Variants in ZSWIM6 observed in about 807,000 individuals in gnomAD.
ZSWIM6 encodes the protein zinc finger SWIM-type containing 6, also known as zinc finger SWIM domain-containing protein 6.
ZSWIM6 carries 9 observed loss-of-function variants against 113.2 expected under a neutral mutation model. The observed-to-expected ratio is 0.08, with a 90% CI of 0.05 to 0.14. ZSWIM6 has a LOEUF of 0.14. ZSWIM6 is among the 10% of genes least tolerant of loss of function. ZSWIM6 has a pLI of 1.00. For missense variants in ZSWIM6, 1,162 were observed against 1,552.2 expected (o/e 0.75, Z 4.22); for synonymous variants, 611 against 606.5 (o/e 1.01, Z -0.11).
At chr5:61,400,260 A>G (rs1170774883) in intron 1 of ZSWIM6, among the ~76,000 whole-genome samples, 1 of 152,198 alleles carries the variant, frequency 6.6e-6, no homozygotes, top group Admixed American at 6.5e-5. Context: ...ATATTGAACA[A>G]GAATTATGTC....
Position 61,531,737 on chromosome 5 carries a change from C to T in ZSWIM6, c.2245+12C>T, listed in dbSNP as rs1211748713. ...CTTCCTATTAGAAGGTAGCCTGATA[C>T]AGAAGTTTTCCACTTATTTAGCCAA... On this transcript the variant is annotated intron_variant, in intron 9 of 13. Transcript: ENST00000252744. 4.5e-6 allele frequency: 7 copies of T among 1,549,890 alleles called. No individual in the cohort carries two copies. In the African/African-American group the frequency reaches 6.8e-5, roughly 15 times the overall value.
chr5:61,436,381 G>C (rs976487732), intron 1 of ZSWIM6, among the ~76,000 whole-genome samples: 3 of 151,922 alleles, frequency 2.0e-5, no homozygotes, highest in Non-Finnish European at 2.9e-5. Flanking sequence ...TTTTCCTCCT[G>C]GATGTGTTTT....
intron 1 of ZSWIM6, among the ~76,000 whole-genome samples, chr5:61,459,941 G>A (rs944720484): frequency 3.3e-5 from 5 of 152,214 alleles, no homozygotes; most frequent in Middle Eastern, 3.2e-3. Context: ...AGTCAAGAGT[G>A]TGTGGTATTC....
At chr5:61,352,242 C>T (rs986489906) in intron 1 of ZSWIM6, among the ~76,000 whole-genome samples, 2 of 152,194 alleles carry the variant, frequency 1.3e-5, no homozygotes, top group Non-Finnish European at 2.9e-5. Flanking sequence ...CAAATTACCT[C>T]CTTTGAATCC....
At position 61,386,843 on chromosome 5, in the gene ZSWIM6, T is replaced by C. The variant is rs149468346; in HGVS notation, c.676+53895T>C. 3.6e-3 allele frequency among the ~76,000 whole-genome samples: 554 copies of C among 152,364 alleles called. 9 individuals carry two copies. The highest frequency in any genetic ancestry group is 0.013 in the African/African-American group (527 of 41,580). ...GGTTTTAAAGATGTTTTTCATACTT[T>C]TGAACAGTTTACTGTCTCAGAGAAC... On this transcript the variant is annotated intron_variant, in intron 1 of 13. Transcript: ENST00000252744.
chr5:61,371,723 G>A (rs1353683694), intron 1 of ZSWIM6, among the ~76,000 whole-genome samples: 2 of 152,080 alleles, frequency 1.3e-5, no homozygotes, highest in African/African-American at 4.8e-5. Context: ...GAACCATTAG[G>A]TGTGCTGTGT....
At chr5:61,440,866 C>T (rs1216282723) in intron 1 of ZSWIM6, among the ~76,000 whole-genome samples, 1 of 152,156 alleles carries the variant, frequency 6.6e-6, no homozygotes, top group Non-Finnish European at 1.5e-5. Flanking sequence ...TTACAGTCCA[C>T]TGGAACAGAC....
intron 1 of ZSWIM6, among the ~76,000 whole-genome samples, chr5:61,392,050 T>C (rs1283678285): frequency 1.3e-5 from 2 of 152,216 alleles, no homozygotes; most frequent in Non-Finnish European, 2.9e-5. Flanking sequence ...CATTGAAAAT[T>C]TGATGAAGTA....
intron 4 of ZSWIM6, among the ~76,000 whole-genome samples, chr5:61,516,968 A>G (rs1027296363): frequency 2.0e-5 from 3 of 152,096 alleles, no homozygotes; most frequent in African/African-American, 7.2e-5. Context: ...TGCTTTAAAG[A>G]TATTGTTCCA....
At chr5:61,374,869 A>G (rs1448190158) in intron 1 of ZSWIM6, among the ~76,000 whole-genome samples, 1 of 152,124 alleles carries the variant, frequency 6.6e-6, no homozygotes, top group East Asian at 1.9e-4. Context: ...TGTTTCTTAA[A>G]GGTAAATAAG....
chr5:61,410,090 A>G (rs1489307544), intron 1 of ZSWIM6, among the ~76,000 whole-genome samples: 3 of 152,120 alleles, frequency 2.0e-5, no homozygotes, highest in Non-Finnish European at 4.4e-5. Flanking sequence ...AGGCACAATC[A>G]CTGTGATTTC....
chr5:61,475,799 A>G (rs907865886), intron 2 of ZSWIM6, among the ~76,000 whole-genome samples: 1 of 152,204 alleles, frequency 6.6e-6, no homozygotes, highest in Non-Finnish European at 1.5e-5. Flanking sequence ...TGGTGGGATT[A>G]AAAATGTTTT....
At chr5:61,443,837 A>G (rs1746888817) in intron 1 of ZSWIM6, among the ~76,000 whole-genome samples, 1 of 152,178 alleles carries the variant, frequency 6.6e-6, no homozygotes, top group South Asian at 2.1e-4. Context: ...TTTATTTGAA[A>G]GAGAAAACCA....
At position 61,512,738 on chromosome 5, in the gene ZSWIM6, A is replaced by G. The variant is rs558939957; in HGVS notation, c.1334-8525A>G. ...TTTCTAATGATTAACAATATTGAGT[A>G]TGTTTTTTGTCTGCAATTTGGCATC... On this transcript the variant is annotated intron_variant, in intron 4 of 13. Transcript: ENST00000252744. Among the ~76,000 whole-genome samples the G allele has an allele frequency of 2.0e-5, 3 of 152,160 alleles. No homozygotes were observed. The South Asian group carries it at 6.2e-4, about 32-fold the overall frequency.
intron 1 of ZSWIM6, among the ~76,000 whole-genome samples, chr5:61,337,460 C>T (rs1466348389): frequency 6.6e-6 from 1 of 152,136 alleles, no homozygotes. Context: ...AGGAATTTAT[C>T]CTATAGATAA....
intron 1 of ZSWIM6, among the ~76,000 whole-genome samples, chr5:61,392,391 A>G (rs1004388773): frequency 1.3e-5 from 2 of 152,202 alleles, no homozygotes; most frequent in African/African-American, 4.8e-5. Flanking sequence ...AAATGATTAT[A>G]TGAAAATCTA....
chr5:61,513,673 T>C (rs1045149418), intron 4 of ZSWIM6, among the ~76,000 whole-genome samples: 35 of 152,088 alleles, frequency 2.3e-4, no homozygotes, highest in African/African-American at 8.0e-4. Flanking sequence ...TGGATTTTGG[T>C]TCATTTTTTT....
intron 4 of ZSWIM6, among the ~76,000 whole-genome samples, chr5:61,497,577 A>T (rs1748356951): frequency 6.6e-6 from 1 of 151,980 alleles, no homozygotes. Flanking sequence ...GTACAGATGC[A>T]TAGTCTTAAG....
intron 1 of ZSWIM6, among the ~76,000 whole-genome samples, chr5:61,365,365 T>A (rs543714578): frequency 6.6e-6 from 1 of 150,876 alleles, no homozygotes; most frequent in East Asian, 1.9e-4. Context: ...AAAAAAAAAT[T>A]ATATATATAT....
Sources: allele counts gnomAD v4.1 joint callset (sites outside exome capture counted in the v4.1 genomes callset), GRCh38; gene constraint gnomAD v4.1.1; transcripts MANE v1.5; gene names NCBI Gene and HGNC (gene_info 2026-07-23, HGNC 2026-07-21).